Variants in NEGR1 observed in about 807,000 individuals in gnomAD.
NEGR1 encodes neuronal growth regulator 1, also known as IgLON family member 4.
A neutral mutation model predicts 40.9 loss-of-function variants in NEGR1; 10 were observed. That is an observed-to-expected ratio of 0.24 (90% confidence interval 0.15 to 0.42). NEGR1 has a LOEUF of 0.42. Ranked by LOEUF, NEGR1 falls within the 10% of genes least tolerant of loss-of-function variation. The pLI is 1.00. For synonymous variants in NEGR1, 185 were observed against 166.8 expected (o/e 1.11, Z -0.84); for missense variants, 352 against 438.9 (o/e 0.80, Z 1.77).
chr1:71,408,274 G>A lies in NEGR1; in HGVS notation c.941-704C>T, dbSNP rs533781904. On this transcript the variant is annotated intron_variant, in intron 6 of 6. Coordinates refer to ENST00000357731, the MANE Select transcript of NEGR1 (RefSeq NM_173808.3). ...GGTAGATTTAGTCTTGCTGGACCAT[G>A]AAGTTTGAGGCCCGAAGTGGAGGGA... 2.6e-5 allele frequency among the ~76,000 whole-genome samples: 4 copies of A among 152,148 alleles called. No individual in the cohort carries two copies. The South Asian group carries it at 8.3e-4, about 32-fold the overall frequency.
intron 1 of NEGR1, among the ~76,000 whole-genome samples, chr1:72,107,308 A>G (rs113385727): frequency 0.033 from 4,968 of 151,820 alleles, 141 homozygotes; most frequent in Non-Finnish European, 0.048. Context: ...CGTGGAGTCT[A>G]TCTAACTACT....
At chr1:71,776,941 C>G (rs1656533392) in intron 2 of NEGR1, among the ~76,000 whole-genome samples, 1 of 152,106 alleles carries the variant, frequency 6.6e-6, no homozygotes, top group South Asian at 2.1e-4. Context: ...AAACAGATCA[C>G]TTCAGGACTT....
At chr1:71,885,688 CATT>C (rs1660704528) in intron 2 of NEGR1, among the ~76,000 whole-genome samples, 1 of 152,180 alleles carries the variant, frequency 6.6e-6, no homozygotes, top group Non-Finnish European at 1.5e-5. Context: ...TGCACAGAAA[CATT>C]AGAGAATAGA....
chr1:72,282,223 G>A, intron 1 of NEGR1, 96 bp downstream of exon 1: 1 of 1,362,778 alleles, frequency 7.3e-7, no homozygotes. Flanking sequence ...AGCACCACCA[G>A]CATTATTGCT....
chr1:72,197,422 C>T (rs1653039175), intron 1 of NEGR1, among the ~76,000 whole-genome samples: 1 of 151,848 alleles, frequency 6.6e-6, no homozygotes, highest in African/African-American at 2.4e-5. Flanking sequence ...TTGAACTTTG[C>T]AAAAATAACT....
intron 1 of NEGR1, among the ~76,000 whole-genome samples, chr1:72,000,506 A>C (rs1157809243): frequency 6.6e-6 from 1 of 152,198 alleles, no homozygotes; most frequent in East Asian, 1.9e-4. Context: ...TACAATTTGA[A>C]AAGTGAATTA....
intron 5 of NEGR1, among the ~76,000 whole-genome samples, chr1:71,602,238 C>CTTTTTTT (rs386367303): frequency 1.1e-4 from 7 of 64,568 alleles, no homozygotes; most frequent in East Asian, 6.2e-4. Context: ...CATGATTATT[C>CTTTTTTT]TTTTTTTTTT....
intron 4 of NEGR1, among the ~76,000 whole-genome samples, chr1:71,678,105 AAAG>A (rs1215539447): frequency 2.0e-5 from 3 of 151,960 alleles, no homozygotes; most frequent in Admixed American, 6.6e-5. Context: ...ATGGTAAAAA[AAAG>A]AAGAAGTATG....
intron 3 of NEGR1, among the ~76,000 whole-genome samples, chr1:71,723,027 T>C (rs1654560871): frequency 8.1e-6 from 1 of 123,992 alleles, no homozygotes; most frequent in Non-Finnish European, 1.7e-5. Flanking sequence ...CTAGAAAGTT[T>C]CTGAAAAAAA....
intron 1 of NEGR1, among the ~76,000 whole-genome samples, chr1:72,069,572 ATCTC>A (rs1184838993): frequency 2.0e-5 from 3 of 152,120 alleles, no homozygotes; most frequent in African/African-American, 7.2e-5. Context: ...GATATCCACT[ATCTC>A]TCTCTTACAC....
At chr1:71,488,412 C>T (rs1557543382) in intron 6 of NEGR1, among the ~76,000 whole-genome samples, 1 of 151,804 alleles carries the variant, frequency 6.6e-6, no homozygotes, top group South Asian at 2.1e-4. Flanking sequence ...TAAAAAGTCA[C>T]TTTCTGCTTA....
At chr1:71,513,746 C>G (rs1454181685) in intron 6 of NEGR1, among the ~76,000 whole-genome samples, 5 of 152,124 alleles carry the variant, frequency 3.3e-5, no homozygotes, top group Non-Finnish European at 7.3e-5. Context: ...GTGAACAGCT[C>G]CGGTCTACAG....
intron 3 of NEGR1, among the ~76,000 whole-genome samples, chr1:71,719,631 T>TTA (rs1654432957): frequency 6.6e-6 from 1 of 152,082 alleles, no homozygotes; most frequent in Admixed American, 6.6e-5. Context: ...TGTTTTTTTT[T>TTA]TTATTATTAT....
At chr1:72,076,096 C>A (rs1413177686) in intron 1 of NEGR1, among the ~76,000 whole-genome samples, 4 of 152,030 alleles carry the variant, frequency 2.6e-5, no homozygotes, top group African/African-American at 7.2e-5. Context: ...TAAGCCTGAT[C>A]AAGAAAATAG....
At chr1:71,868,696 A>C (rs1405657041) in intron 2 of NEGR1, among the ~76,000 whole-genome samples, 1 of 152,204 alleles carries the variant, frequency 6.6e-6, no homozygotes, top group Middle Eastern at 3.4e-3. Flanking sequence ...CTTCTAGTGT[A>C]TTGAAAGCTA....
chr1:71,513,014 C>A (rs1363156918), intron 6 of NEGR1, among the ~76,000 whole-genome samples: 1 of 152,142 alleles, frequency 6.6e-6, no homozygotes, highest in South Asian at 2.1e-4. Context: ...AAAAATACCT[C>A]ATAATTATAG....
At chr1:71,757,512 C>T (rs371797026) in intron 3 of NEGR1, among the ~76,000 whole-genome samples, 8 of 151,972 alleles carry the variant, frequency 5.3e-5, no homozygotes, top group East Asian at 1.9e-4. Flanking sequence ...TAATGCCAAC[C>T]GCTTAGGAAG....
chr1:71,438,185 G>C (rs894591886), intron 6 of NEGR1, among the ~76,000 whole-genome samples: 4 of 152,178 alleles, frequency 2.6e-5, no homozygotes, highest in Non-Finnish European at 5.9e-5. Context: ...CTTAGTCAAA[G>C]ATTGCTGAAG....
rs1569912775 is a variant in NEGR1, at chr1:71,470,869, G to A, written c.941-63299C>T. 2.6e-5 allele frequency among the ~76,000 whole-genome samples: 4 copies of A among 152,062 alleles called. No homozygotes were observed. The East Asian group carries it at 7.8e-4, about 30-fold the overall frequency. ...CTGATATACTTTAACTTTCCCTCAC[G>A]CTACCACTACCAACCCACCCAGCTG... is the stretch of plus-strand genomic sequence containing the variant. On this transcript the variant is annotated intron_variant, in intron 6 of 6. Coordinates refer to ENST00000357731, the MANE Select transcript of NEGR1 (RefSeq NM_173808.3).
Sources: gnomAD v4.1 joint callset for allele counts (sites outside exome capture counted in the v4.1 genomes callset) on GRCh38, gnomAD v4.1.1 for gene constraint, MANE v1.5 for transcripts, NCBI Gene and HGNC (gene_info 2026-07-23, HGNC 2026-07-21) for gene names.